Variants in APCDD1L observed in about 807,000 individuals in gnomAD.
APCDD1L encodes the protein APC down-regulated 1 like, also known as protein APCDD1-like.
A neutral mutation model predicts 24.2 loss-of-function variants in APCDD1L; 21 were observed. The ratio of observed to expected loss-of-function variants is 0.87; its 90% CI spans 0.61 to 1.25. The LOEUF (loss-of-function observed/expected upper bound fraction) is 1.25. Among genes scored for constraint, APCDD1L ranks in the 50% most tolerant of loss-of-function variants. APCDD1L has a pLI of 0.00. For synonymous variants in APCDD1L, 321 were observed against 323.6 expected (o/e 0.99, Z 0.09); for missense variants, 704 against 711.7 (o/e 0.99, Z 0.12).
At chr20:58,470,868 G>T in intron 1 of APCDD1L, 121 bp from the exon 2 acceptor site, 1 of 1,363,316 alleles carries the variant, frequency 7.3e-7, no homozygotes, top group Non-Finnish European at 9.7e-7. Context: ...AACCTCCATC[G>T]CAGCCCCGTC....
At chr20:58,474,450 T>G (rs969704525) in intron 1 of APCDD1L, among the ~76,000 whole-genome samples, 2 of 152,210 alleles carry the variant, frequency 1.3e-5, no homozygotes, top group African/African-American at 4.8e-5. Flanking sequence ...ACACCTGTAA[T>G]CCCAGCACTT....
Position 58,467,544 on chromosome 20 carries a change from G to A in APCDD1L, c.303C>T (p.Ala101=), listed in dbSNP as rs145995977. The part of the protein sequence containing the change: ...YYEDPFCGEP[A]HSLLVKGKVR... ...CTTTGCCCTTGACGAGCAGCGAGTG[G>A]GCAGGTTCCCCGCAGAAGGGGTCCT... The change falls in exon 3 of 4, where the codon GCC becomes GCT. Residue 101 remains alanine, a synonymous_variant. Coordinates refer to ENST00000371149, the MANE Select transcript of APCDD1L (RefSeq NM_153360.3). The surrounding 1 kb of genome is among the most constrained non-coding windows in gnomAD (Gnocchi z 5.9). 2 of 1,588,070 alleles carry A rather than the reference G, an allele frequency of 1.3e-6. No individual in the cohort carries two copies. The highest frequency in any genetic ancestry group is 2.3e-5 in the South Asian group (2 of 87,656).
At chr20:58,476,065 A>C (rs1989904523) in intron 1 of APCDD1L, among the ~76,000 whole-genome samples, 1 of 152,166 alleles carries the variant, frequency 6.6e-6, no homozygotes, top group East Asian at 1.9e-4. Context: ...ACTCGAACAT[A>C]TCTTTTTTGG....
Position 58,461,663 on chromosome 20 carries a change from G to A in APCDD1L, c.742-109C>T, listed in dbSNP as rs1030119533. The A allele has an allele frequency of 2.6e-5, 30 of 1,142,240 alleles. 1 individual carries two copies. The highest frequency in any genetic ancestry group is 1.7e-4 in the South Asian group (5 of 30,124). The allele number at this position is 1,142,240 out of a possible 1,614,324, so 70.8% of individuals were successfully genotyped here. On this transcript the variant is annotated intron_variant, in intron 3 of 3. Transcript: ENST00000371149. This position sits in a 1 kb window ranked among gnomAD's most constrained non-coding sequence, Gnocchi z 6.0. ...GGGGTGTCAAGGCAGGGTGAGGTGC[G>A]GCCTGTCCCTCCCTCCTCTCTCTCC... is the stretch of plus-strand genomic sequence containing the variant.
At position 58,508,470 on chromosome 20, in the gene APCDD1L, C is replaced by G. The variant is rs8119710; in HGVS notation, c.49+6189G>C. On this transcript the variant is annotated intron_variant, in intron 1 of 3. Transcript: ENST00000371149. The surrounding 1 kb of genome is among the most constrained non-coding windows in gnomAD (Gnocchi z 4.0). Reference sequence around the variant, plus strand: ...CTTTACATCTTGACAGCATACAAGGCTTTTAAATCTCAAAATGCCCCCTGA... The same window carrying G: ...CTTTACATCTTGACAGCATACAAGGGTTTTAAATCTCAAAATGCCCCCTGA... Among the ~76,000 whole-genome samples the G allele has an allele frequency of 0.026, 3,999 of 152,270 alleles. 101 individuals are homozygous for G. Among genetic ancestry groups the G allele is most frequent in the African/African-American group, 0.067 (2,770 of 41,534 alleles).
intron 1 of APCDD1L, among the ~76,000 whole-genome samples, chr20:58,495,046 A>T (rs1006185547): frequency 6.6e-6 from 1 of 152,162 alleles, no homozygotes; most frequent in African/African-American, 2.4e-5. Flanking sequence ...ATAGTGGGTC[A>T]CTGCCTGCTG....
intron 1 of APCDD1L, among the ~76,000 whole-genome samples, chr20:58,499,035 T>G (rs1480843577): frequency 6.6e-6 from 1 of 152,210 alleles, no homozygotes; most frequent in Non-Finnish European, 1.5e-5. Flanking sequence ...AGACCCACAG[T>G]AAAAGTCACC....
At position 58,460,737 on chromosome 20, in the gene APCDD1L, T is replaced by C. The variant is rs1404135054; in HGVS notation, c.*53A>G. On this transcript the variant is annotated 3_prime_UTR_variant, in exon 4 of 4. Coordinates refer to ENST00000371149, the MANE Select transcript of APCDD1L (RefSeq NM_153360.3). This position sits in a 1 kb window ranked among gnomAD's most constrained non-coding sequence, Gnocchi z 4.2. ...CTTCCCTACAGCTGCCAGGAGGGAG[T>C]CTGAAGGGTTGAATGGGTGTCCAGA... 1 of 1,485,916 alleles carries C rather than the reference T, an allele frequency of 6.7e-7. No homozygotes were observed. Among genetic ancestry groups the C allele is most frequent in the African/African-American group, 1.4e-5 (1 of 70,930 alleles). 92.0% of individuals were successfully genotyped at this position (1,485,916 alleles called of 1,614,324 possible).
intron 1 of APCDD1L, among the ~76,000 whole-genome samples, chr20:58,512,808 G>A (rs1473838944): frequency 4.6e-5 from 7 of 152,132 alleles, no homozygotes; most frequent in Non-Finnish European, 7.4e-5. Context: ...AATAGTGCCC[G>A]GTGTAGAGCT....
chr20:58,499,379 A>G (rs1042453478), intron 1 of APCDD1L, among the ~76,000 whole-genome samples: 2 of 152,170 alleles, frequency 1.3e-5, no homozygotes, highest in African/African-American at 4.8e-5. Context: ...GGAAGCCTGC[A>G]GCATCCCCAC....
At position 58,508,975 on chromosome 20, in the gene APCDD1L, TGTGTGTGCATGTGCATGC is replaced by T. The variant is rs1990575449; in HGVS notation, c.49+5666_49+5683del. On this transcript the variant is annotated intron_variant, in intron 1 of 3. Coordinates refer to ENST00000371149, the MANE Select transcript of APCDD1L (RefSeq NM_153360.3). The surrounding 1 kb of genome is among the most constrained non-coding windows in gnomAD (Gnocchi z 4.0). ...GTGCATGTGTGTCTGTGTGCGCACG[TGTGTGTGCATGTGCATGC>T]GTGTGTGTGTGTGTGTGTGTGTGTG... is the stretch of plus-strand genomic sequence containing the variant. Among the ~76,000 whole-genome samples the T allele has an allele frequency of 1.4e-5, 2 of 141,434 alleles. No individual in the cohort carries two copies. The highest frequency in any genetic ancestry group is 5.4e-5 in the African/African-American group (2 of 37,354). 92.8% of individuals were successfully genotyped at this position (141,434 alleles called of 152,430 possible). A position where few individuals can be genotyped will look rare whatever the true frequency, so the allele number is the denominator to read the frequency against.
At chr20:58,496,642 G>A (rs1453154409) in intron 1 of APCDD1L, among the ~76,000 whole-genome samples, 1 of 152,230 alleles carries the variant, frequency 6.6e-6, no homozygotes, top group Admixed American at 6.5e-5. Flanking sequence ...AGCTAATGTC[G>A]GGGGTCAGCA....
intron 1 of APCDD1L, among the ~76,000 whole-genome samples, chr20:58,471,713 T>G (rs1413214324): frequency 6.6e-6 from 1 of 152,202 alleles, no homozygotes; most frequent in East Asian, 1.9e-4. Flanking sequence ...GCTGATGGGC[T>G]TGAGATGGCC....
chr20:58,472,869 C>T (rs542446791), intron 1 of APCDD1L, among the ~76,000 whole-genome samples: 233 of 152,272 alleles, frequency 1.5e-3, no homozygotes, highest in African/African-American at 5.2e-3. Context: ...CAAAGTTGGG[C>T]CAGATCCCCA....
chr20:58,467,168 C>G lies in APCDD1L; in HGVS notation c.679G>C (p.Asp227His). The G allele has an allele frequency of 6.2e-7, 1 of 1,607,572 alleles. No individual in the cohort carries two copies. Among genetic ancestry groups the G allele is most frequent in the Non-Finnish European group, 8.5e-7 (1 of 1,179,532 alleles). ...CGGTAGTGCCGCCTCTCCGCCGGGTCGGTGTGGATGTCCCCCAGGTACAGC... is the reference window on the plus strand; with the variant it reads ...CGGTAGTGCCGCCTCTCCGCCGGGTGGGTGTGGATGTCCCCCAGGTACAGC... The part of the protein sequence containing the change: ...EELYLGDIHT[D>H]PAERRHYRPT... Residue 227 changes from aspartate to histidine, a missense_variant, in exon 3 of 4, where the codon GAC (aspartate) becomes CAC (histidine). Physicochemically the swap from Asp to His is moderately conservative, Grantham distance 81. Transcript: ENST00000371149. This position sits in a 1 kb window ranked among gnomAD's most constrained non-coding sequence, Gnocchi z 5.9.
chr20:58,498,708 C>T (rs1046618249), intron 1 of APCDD1L, among the ~76,000 whole-genome samples: 1 of 152,232 alleles, frequency 6.6e-6, no homozygotes, highest in Non-Finnish European at 1.5e-5. Flanking sequence ...TTGGCCTCCA[C>T]CTGCAGTCAG....
At chr20:58,503,370 G>A (rs1990478463) in intron 1 of APCDD1L, among the ~76,000 whole-genome samples, 1 of 152,180 alleles carries the variant, frequency 6.6e-6, no homozygotes, top group Non-Finnish European at 1.5e-5. Flanking sequence ...TCAGAATTTG[G>A]TTAAAGCTGA....
chr20:58,508,962 C>T lies in APCDD1L; in HGVS notation c.49+5697G>A, dbSNP rs1047398580. ...AGTGTGTGTGAGTGTGCATGTGTGT[C>T]TGTGTGCGCACGTGTGTGTGCATGT... On this transcript the variant is annotated intron_variant, in intron 1 of 3. Transcript: ENST00000371149. The surrounding 1 kb of genome is among the most constrained non-coding windows in gnomAD (Gnocchi z 4.0). Among the ~76,000 whole-genome samples, 1 of 149,880 alleles carries T rather than the reference C, an allele frequency of 6.7e-6. No individual in the cohort carries two copies. Among genetic ancestry groups the T allele is most frequent in the Non-Finnish European group, 1.5e-5 (1 of 67,622 alleles).
In APCDD1L at chr20:58,502,395, C is replaced by T. The variant is rs916203724; in HGVS notation, c.49+12264G>A. ...GGATTACAGGCGTGAGACACCGCAT[C>T]TGGCCTTTGGTGTATTTGTTTTCTA... On this transcript the variant is annotated intron_variant, in intron 1 of 3. Transcript: ENST00000371149. Among the ~76,000 whole-genome samples the T allele has an allele frequency of 4.6e-5, 7 of 152,354 alleles. No individual in the cohort carries two copies. The South Asian group carries it at 1.0e-3, about 23-fold the overall frequency.
Sources: gnomAD v4.1 joint callset for allele counts (sites outside exome capture counted in the v4.1 genomes callset) on GRCh38, gnomAD v4.1.1 for gene constraint, Gnocchi (gnomAD v3.1) non-coding constraint, MANE v1.5 for transcripts, NCBI Gene and HGNC (gene_info 2026-07-23, HGNC 2026-07-21) for gene names.